Variants in RCAN2 observed in about 807,000 individuals in gnomAD.
The protein encoded by RCAN2 is regulator of calcineurin 2, also known as calcipressin-2.
RCAN2 carries 9 observed loss-of-function variants against 23.6 expected under a neutral mutation model. That is an observed-to-expected ratio of 0.38 (90% CI 0.23 to 0.67). The LOEUF is 0.67. RCAN2 is among the 30% of genes least tolerant of loss of function. The pLI is 0.51. For synonymous variants in RCAN2, 109 were observed against 115.7 expected (o/e 0.94, Z 0.37); for missense variants, 273 against 302.3 (o/e 0.90, Z 0.72).
At chr6:46,297,089 C>T (rs1483806138) in intron 2 of RCAN2, among the ~76,000 whole-genome samples, 4 of 152,054 alleles carry the variant, frequency 2.6e-5, no homozygotes, top group Admixed American at 6.6e-5. Flanking sequence ...ATAAAGGCTC[C>T]GTACTACTTA....
intron 2 of RCAN2, among the ~76,000 whole-genome samples, chr6:46,446,164 GAAA>G (rs1253920370): frequency 8.2e-6 from 1 of 121,238 alleles, no homozygotes; most frequent in Non-Finnish European, 1.8e-5. Flanking sequence ...CTAAAAGCAA[GAAA>G]AAAAAAAAAA....
rs536013444 is a variant in RCAN2, at chr6:46,333,103, T to C, written c.226-84207A>G. Among the ~76,000 whole-genome samples, 3 of 152,362 alleles carry C rather than the reference T, an allele frequency of 2.0e-5. No individual in the cohort carries two copies. In the South Asian group the frequency reaches 6.2e-4, roughly 32 times the overall value. ...CATGTGTTTTTTGGCTGCCTAAATGTCTTCTTTTGAGAAGTGTCTGTTCAT... is the reference window on the plus strand; with the variant it reads ...CATGTGTTTTTTGGCTGCCTAAATGCCTTCTTTTGAGAAGTGTCTGTTCAT... On this transcript the variant is annotated intron_variant, in intron 2 of 4. Coordinates refer to ENST00000371374, the MANE Select transcript of RCAN2 (RefSeq NM_001251974.2).
intron 4 of RCAN2, among the ~76,000 whole-genome samples, chr6:46,235,369 C>A (rs1391504432): frequency 6.6e-6 from 1 of 152,166 alleles, no homozygotes; most frequent in African/African-American, 2.4e-5. Flanking sequence ...ACAGCCACAT[C>A]TAACAGGCAA....
At chr6:46,488,799 C>T (rs9349362) in intron 1 of RCAN2, among the ~76,000 whole-genome samples, 64,403 of 152,006 alleles carry the variant, frequency 0.42, 16,311 homozygotes, top group Non-Finnish European at 0.58. Context: ...CGATCCTCCC[C>T]CTGAAATGGC....
chr6:46,392,113 A>T (rs1013400040), intron 2 of RCAN2, among the ~76,000 whole-genome samples: 4 of 152,186 alleles, frequency 2.6e-5, no homozygotes, highest in Non-Finnish European at 4.4e-5. Context: ...CTCCTTTAGT[A>T]GGAGTTTAAA....
intron 2 of RCAN2, among the ~76,000 whole-genome samples, chr6:46,259,962 A>C (rs1185681194): frequency 2.6e-5 from 4 of 152,192 alleles, no homozygotes; most frequent in African/African-American, 9.6e-5. Flanking sequence ...TCTGGACTAG[A>C]CCACGCTCTC....
At chr6:46,455,455 G>A (rs1263786595) in intron 2 of RCAN2, among the ~76,000 whole-genome samples, 1 of 151,940 alleles carries the variant, frequency 6.6e-6, no homozygotes, top group African/African-American at 2.4e-5. Flanking sequence ...CAGTAATTAT[G>A]CCAGACACAG....
chr6:46,456,994 T>C lies in RCAN2; in HGVS notation c.-2-16A>G, dbSNP rs1209777653. Reference sequence around the variant, plus strand: ...CCCCTCATTCCTGGGGATACAAAGATGAGCATGTGTTACTGCAGAACAAAT... The same window carrying C: ...CCCCTCATTCCTGGGGATACAAAGACGAGCATGTGTTACTGCAGAACAAAT... On this transcript the variant is annotated splice_polypyrimidine_tract_variant and intron_variant, in intron 1 of 4. Transcript: ENST00000371374. The C allele has an allele frequency of 1.3e-6, 2 of 1,519,728 alleles. No individual in the cohort carries two copies. Among genetic ancestry groups the C allele is most frequent in the Non-Finnish European group, 1.8e-6 (2 of 1,119,778 alleles). 94.1% of individuals were successfully genotyped at this position (1,519,728 alleles called of 1,614,324 possible).
intron 2 of RCAN2, among the ~76,000 whole-genome samples, chr6:46,311,839 T>C (rs1050457399): frequency 6.6e-6 from 1 of 152,212 alleles, no homozygotes; most frequent in African/African-American, 2.4e-5. Context: ...TAGAGATTGT[T>C]ATGTGTCTCC....
intron 2 of RCAN2, among the ~76,000 whole-genome samples, chr6:46,329,376 T>C (rs1763890248): frequency 6.6e-6 from 1 of 152,194 alleles, no homozygotes; most frequent in Admixed American, 6.5e-5. Context: ...CCTGAAATTA[T>C]TCTGTTCATT....
chr6:46,389,727 C>G (rs1312814111), intron 2 of RCAN2, among the ~76,000 whole-genome samples: 1 of 152,166 alleles, frequency 6.6e-6, no homozygotes, highest in East Asian at 1.9e-4. Flanking sequence ...GCTGCTGAGG[C>G]CTTATAGCCC....
intron 2 of RCAN2, among the ~76,000 whole-genome samples, chr6:46,286,523 AAGG>A (rs1279883086): frequency 3.3e-5 from 5 of 152,256 alleles, no homozygotes; most frequent in African/African-American, 1.2e-4. Flanking sequence ...ATATATGAGA[AAGG>A]AGAAGTGAAA....
intron 1 of RCAN2, among the ~76,000 whole-genome samples, chr6:46,479,974 G>A (rs1768812364): frequency 6.6e-6 from 1 of 152,168 alleles, no homozygotes; most frequent in South Asian, 2.1e-4. Flanking sequence ...TAAGTCCATT[G>A]TTCATTCCCA....
chr6:46,342,034 G>C (rs1355142460), intron 2 of RCAN2, among the ~76,000 whole-genome samples: 3 of 152,094 alleles, frequency 2.0e-5, no homozygotes, highest in African/African-American at 7.2e-5. Context: ...TTTGGTTATG[G>C]AGGGCACCTT....
intron 2 of RCAN2, among the ~76,000 whole-genome samples, chr6:46,302,529 G>A (rs921029376): frequency 1.3e-5 from 2 of 152,012 alleles, no homozygotes; most frequent in South Asian, 2.1e-4. Context: ...AATAAATTAC[G>A]CTTTTTGCAA....
intron 2 of RCAN2, among the ~76,000 whole-genome samples, chr6:46,392,581 T>C (rs983359436): frequency 6.6e-6 from 1 of 152,244 alleles, no homozygotes; most frequent in South Asian, 2.1e-4. Context: ...GCACAGAAAA[T>C]AATGTCTGGT....
chr6:46,276,283 C>T (rs1253629643), intron 2 of RCAN2, among the ~76,000 whole-genome samples: 1 of 152,058 alleles, frequency 6.6e-6, no homozygotes, highest in Non-Finnish European at 1.5e-5. Context: ...ATTATTACAT[C>T]ATGAGAGGTT....
intron 2 of RCAN2, among the ~76,000 whole-genome samples, chr6:46,289,313 T>G (rs561112633): frequency 6.6e-6 from 1 of 152,348 alleles, no homozygotes; most frequent in South Asian, 2.1e-4. Context: ...AAGAGTATTC[T>G]TTTATTGAGG....
intron 2 of RCAN2, among the ~76,000 whole-genome samples, chr6:46,392,369 G>A (rs1208646643): frequency 2.0e-5 from 3 of 152,234 alleles, no homozygotes; most frequent in Non-Finnish European, 2.9e-5. Flanking sequence ...GCACTGCCAT[G>A]TAGAAGATGA....
Sources: gnomAD v4.1 joint callset for allele counts (sites outside exome capture counted in the v4.1 genomes callset) on GRCh38, gnomAD v4.1.1 for gene constraint, MANE v1.5 for transcripts, NCBI Gene and HGNC (gene_info 2026-07-23, HGNC 2026-07-21) for gene names.